The following DCC variants were observed in gnomAD, a reference collection of about 807,000 sequenced individuals.
DCC encodes the protein netrin receptor DCC.
DCC carries 58 observed loss-of-function variants against 172.5 expected under a neutral mutation model. The ratio of observed to expected loss-of-function variants is 0.34; its 90% CI spans 0.27 to 0.42. The LOEUF (loss-of-function observed/expected upper bound fraction) is 0.42. DCC is among the 10% of genes least tolerant of loss of function. The pLI is 1.00. For synonymous variants in DCC, 709 were observed against 644.5 expected (o/e 1.10, Z -1.52); for missense variants, 1,740 against 1,791.0 (o/e 0.97, Z 0.51).
At chr18:52,835,542 T>C (rs1265776334) in intron 2 of DCC, among the ~76,000 whole-genome samples, 1 of 152,182 alleles carries the variant, frequency 6.6e-6, no homozygotes, top group Non-Finnish European at 1.5e-5. Context: ...TTTTGTTATA[T>C]CATACGATCC....
chr18:52,909,917 A>T (rs1347759710), intron 3 of DCC, among the ~76,000 whole-genome samples: 1 of 152,180 alleles, frequency 6.6e-6, no homozygotes, highest in Admixed American at 6.6e-5. Context: ...TAGCTAGGCA[A>T]AGAGAAGTAT....
chr18:52,375,929 G>A (rs932964526), intron 1 of DCC, among the ~76,000 whole-genome samples: 4 of 152,148 alleles, frequency 2.6e-5, no homozygotes, highest in African/African-American at 4.8e-5. Context: ...GGTAAAGACT[G>A]GTAGTCTGTA....
intron 5 of DCC, among the ~76,000 whole-genome samples, chr18:52,977,096 C>G (rs2041130865): frequency 6.6e-6 from 1 of 152,116 alleles, no homozygotes; most frequent in Admixed American, 6.6e-5. Flanking sequence ...CATGGTCACA[C>G]TTCTCGTGCA....
chr18:52,770,890 T>G (rs2037330073), intron 2 of DCC, among the ~76,000 whole-genome samples: 1 of 152,234 alleles, frequency 6.6e-6, no homozygotes, highest in Non-Finnish European at 1.5e-5. Context: ...TTCATCTTCC[T>G]TCGCCATCCT....
Position 53,528,202 on chromosome 18 carries a change from T to C in DCC, c.4254+1443T>C, listed in dbSNP as rs190824294. 2.1e-3 allele frequency among the ~76,000 whole-genome samples: 325 copies of C among 152,226 alleles called. 2 individuals are homozygous for C. The highest frequency in any genetic ancestry group is 7.3e-3 in the African/African-American group (305 of 41,546). ...TTCATTTGAATGAAGAACAATACATTTTTCTTGACTTAATTTTTTTTCAAT... is the reference window on the plus strand; with the variant it reads ...TTCATTTGAATGAAGAACAATACATCTTTCTTGACTTAATTTTTTTTCAAT... On this transcript the variant is annotated intron_variant, in intron 28 of 28. Coordinates refer to ENST00000442544, the MANE Select transcript of DCC (RefSeq NM_005215.4).
intron 2 of DCC, among the ~76,000 whole-genome samples, chr18:52,824,566 C>T (rs78252488): frequency 0.053 from 7,992 of 152,078 alleles, 302 homozygotes; most frequent in South Asian, 0.17. Flanking sequence ...TTCTCTAATG[C>T]TTGTACATTG....
At chr18:53,510,178 T>C (rs114228399) in intron 27 of DCC, among the ~76,000 whole-genome samples, 2,426 of 152,196 alleles carry the variant, frequency 0.016, 71 homozygotes, top group African/African-American at 0.055. Context: ...CCTCAAATGG[T>C]ACACTGAAAA....
intron 3 of DCC, among the ~76,000 whole-genome samples, chr18:52,919,542 C>T (rs1307060147): frequency 3.3e-5 from 5 of 151,828 alleles, no homozygotes; most frequent in African/African-American, 7.3e-5. Flanking sequence ...TATGAAGCTA[C>T]GATGGTAACA....
intron 1 of DCC, among the ~76,000 whole-genome samples, chr18:52,594,262 T>A (rs1273983437): frequency 6.6e-6 from 1 of 152,220 alleles, no homozygotes; most frequent in Non-Finnish European, 1.5e-5. Context: ...ATTCTTAGAA[T>A]GTTCTAGATT....
At chr18:52,891,408 C>T (rs117442516) in intron 2 of DCC, among the ~76,000 whole-genome samples, 6,341 of 152,090 alleles carry the variant, frequency 0.042, 183 homozygotes, top group Non-Finnish European at 0.062. Context: ...GAATGAATGA[C>T]ATGGATGAAT....
intron 7 of DCC, among the ~76,000 whole-genome samples, chr18:53,066,474 T>TAATA (rs1414964350): frequency 1.4e-5 from 2 of 147,772 alleles, no homozygotes; most frequent in Non-Finnish European, 3.0e-5. Context: ...TCATCATGAA[T>TAATA]AATAGGGCCT....
Position 53,307,041 on chromosome 18 carries a change from C to T in DCC, c.2053+1322C>T, listed in dbSNP as rs186907444. On this transcript the variant is annotated intron_variant, in intron 13 of 28. Coordinates refer to ENST00000442544, the MANE Select transcript of DCC (RefSeq NM_005215.4). ...TCCATTTGAAATCATGACTCACACA[C>T]ATTATAAGCTTCTTGTTCAGCCTAC... 3.8e-3 allele frequency among the ~76,000 whole-genome samples: 577 copies of T among 152,304 alleles called. 2 individuals carry two copies. The highest frequency in any genetic ancestry group is 6.2e-3 in the Non-Finnish European group (421 of 68,008).
rs1016653524 is a variant in DCC, at chr18:53,396,896, C to A, written c.2689-412C>A. On this transcript the variant is annotated intron_variant, in intron 17 of 28. Coordinates refer to ENST00000442544, the MANE Select transcript of DCC (RefSeq NM_005215.4). ...TTGACAGAAGGAAGTGGAATTTGTC[C>A]TGTTGTTCTGGTTCTGTAATAAAGG... Among the ~76,000 whole-genome samples the A allele has an allele frequency of 5.3e-5, 8 of 152,014 alleles. 1 individual carries two copies. The highest frequency in any genetic ancestry group is 1.9e-4 in the African/African-American group (8 of 41,378).
chr18:52,437,362 C>A (rs913987505), intron 1 of DCC, among the ~76,000 whole-genome samples: 5 of 152,030 alleles, frequency 3.3e-5, no homozygotes, highest in Non-Finnish European at 7.4e-5. Flanking sequence ...GCAGTCTTGG[C>A]AATCCAAAGA....
chr18:52,757,959 A>C (rs1450145880), intron 2 of DCC, among the ~76,000 whole-genome samples: 5 of 152,158 alleles, frequency 3.3e-5, no homozygotes, highest in Non-Finnish European at 7.4e-5. Context: ...CGCTGTAAAC[A>C]ATTTCTTATG....
At chr18:53,503,410 T>G (rs2046128981) in intron 27 of DCC, among the ~76,000 whole-genome samples, 1 of 152,294 alleles carries the variant, frequency 6.6e-6, no homozygotes, top group Non-Finnish European at 1.5e-5. Context: ...AGTGCTTCCA[T>G]TTTTTAATGC....
intron 1 of DCC, among the ~76,000 whole-genome samples, chr18:52,583,486 G>A (rs897937517): frequency 1.3e-5 from 2 of 152,022 alleles, no homozygotes; most frequent in African/African-American, 4.8e-5. Context: ...TACAAATTTA[G>A]AAGAATATAT....
intron 1 of DCC, among the ~76,000 whole-genome samples, chr18:52,433,768 C>G (rs1235725170): frequency 6.6e-6 from 1 of 152,132 alleles, no homozygotes; most frequent in Non-Finnish European, 1.5e-5. Flanking sequence ...ATAATTAACG[C>G]TTTTATACAT....
chr18:52,578,542 A>G (rs959927211), intron 1 of DCC, among the ~76,000 whole-genome samples: 4 of 152,202 alleles, frequency 2.6e-5, no homozygotes, highest in Admixed American at 2.6e-4. Flanking sequence ...CTGAGTATCC[A>G]TGATGTCCAG....
Sources: allele counts gnomAD v4.1 joint callset (sites outside exome capture counted in the v4.1 genomes callset), GRCh38; gene constraint gnomAD v4.1.1; transcripts MANE v1.5; gene names NCBI Gene and HGNC (gene_info 2026-07-23, HGNC 2026-07-21).